Variants in GXYLT1 observed in about 807,000 individuals in gnomAD.
GXYLT1 encodes glycosyltransferase 8 domain containing 3.
In GXYLT1, 29 loss-of-function variants were observed where a neutral mutation model predicts 54.0. The ratio of observed to expected loss-of-function variants is 0.54; its 90% CI spans 0.40 to 0.73. The LOEUF (loss-of-function observed/expected upper bound fraction) is 0.73, where lower values mean the gene tolerates loss of function less well. Among genes scored for constraint, GXYLT1 ranks in the 30% least tolerant of loss-of-function variants. The pLI is 0.00. For synonymous variants in GXYLT1, 176 were observed against 204.1 expected (o/e 0.86, Z 1.17); for missense variants, 490 against 553.4 (o/e 0.89, Z 1.15).
At chr12:42,096,612 G>C (rs1381400468) in intron 7 of GXYLT1, among the ~76,000 whole-genome samples, 1 of 152,158 alleles carries the variant, frequency 6.6e-6, no homozygotes, top group Non-Finnish European at 1.5e-5. Context: ...TGTGGAAGGA[G>C]TGCTATTGTT....
intron 5 of GXYLT1, among the ~76,000 whole-genome samples, chr12:42,104,071 T>A (rs1164113530): frequency 6.6e-6 from 1 of 152,134 alleles, no homozygotes; most frequent in Non-Finnish European, 1.5e-5. Flanking sequence ...CAACTCTTTT[T>A]CTGTAGAGAC....
intron 1 of GXYLT1, among the ~76,000 whole-genome samples, chr12:42,135,907 T>C (rs1393508105): frequency 1.3e-5 from 2 of 152,204 alleles, no homozygotes; most frequent in Non-Finnish European, 2.9e-5. Flanking sequence ...AATCAAGTTA[T>C]AGGTAAATTT....
intron 4 of GXYLT1, among the ~76,000 whole-genome samples, chr12:42,106,468 T>C (rs1417322354): frequency 1.2e-4 from 19 of 152,164 alleles, no homozygotes; most frequent in Admixed American, 5.9e-4. Flanking sequence ...TCTGAACTTA[T>C]TCCCCTTGGC....
chr12:42,101,389 C>T (rs2065389072), intron 5 of GXYLT1, among the ~76,000 whole-genome samples: 2 of 152,058 alleles, frequency 1.3e-5, no homozygotes, highest in Non-Finnish European at 1.5e-5. Flanking sequence ...CATATCCATA[C>T]TAGGTACACA....
intron 3 of GXYLT1, among the ~76,000 whole-genome samples, chr12:42,115,343 T>A (rs183970209): frequency 6.6e-6 from 1 of 152,048 alleles, no homozygotes; most frequent in Non-Finnish European, 1.5e-5. Context: ...GTCAAATTGT[T>A]CCTGTTTGCA....
rs201702582 is a variant in GXYLT1 at position 42,142,337 on chromosome 12, A to ATTT, written c.221+2086_221+2088dup. On this transcript the variant is annotated intron_variant, in intron 1 of 7. Coordinates refer to ENST00000398675, the MANE Select transcript of GXYLT1 (RefSeq NM_173601.2). ...TATCTCATGGTGGCCAAAAAAGTTA[A>ATTT]TTTTTTTTTTTTTTTTTGAGACAGG... 2.2e-3 allele frequency among the ~76,000 whole-genome samples: 305 copies of ATTT among 140,232 alleles called. 2 individuals carry two copies. Among genetic ancestry groups the ATTT allele is most frequent in the African/African-American group, 7.7e-3 (294 of 37,952 alleles). The allele number at this position is 140,232 out of a possible 152,430, so 92.0% of individuals were successfully genotyped here.
At chr12:42,100,544 C>A (rs2065384093) in intron 5 of GXYLT1, among the ~76,000 whole-genome samples, 1 of 149,716 alleles carries the variant, frequency 6.7e-6, no homozygotes, top group Admixed American at 6.6e-5. Context: ...AAGAGAAGGC[C>A]AGAATTCATG....
Position 42,087,859 on chromosome 12 carries a change from AT to A in GXYLT1, c.1249del (p.Ile417PhefsTer9), listed in dbSNP as rs1206787176. 1.2e-6 allele frequency: 2 copies of A among 1,604,764 alleles called. No homozygotes were observed. Among genetic ancestry groups the A allele is most frequent in the Non-Finnish European group, 8.5e-7 (1 of 1,173,688 alleles). On this transcript the variant is annotated frameshift_variant, in exon 8 of 8. Coordinates refer to ENST00000398675, the MANE Select transcript of GXYLT1 (RefSeq NM_173601.2). LOFTEE classifies it high-confidence loss of function. ...TAGTTGTTTGATAAATATTTTGTAA[AT>A]TTTTCCACAGTATGTATGCACTGTT... ...QKTVHTYCGKIYKIFIKQLAK... is the reference protein window; with the variant it reads ...QKTVHTYCGKXYKIFIKQLAK...
At chr12:42,131,237 G>A (rs2065592432) in intron 1 of GXYLT1, among the ~76,000 whole-genome samples, 1 of 152,206 alleles carries the variant, frequency 6.6e-6, no homozygotes, top group African/African-American at 2.4e-5. Context: ...AAGTCAGGGT[G>A]AGTCACTAAA....
At chr12:42,110,121 A>T (rs2065444268) in intron 3 of GXYLT1, among the ~76,000 whole-genome samples, 1 of 152,254 alleles carries the variant, frequency 6.6e-6, no homozygotes, top group Non-Finnish European at 1.5e-5. Flanking sequence ...GAAACTAGTT[A>T]AAAAATATTT....
chr12:42,092,512 G>C (rs2065334429), intron 7 of GXYLT1, among the ~76,000 whole-genome samples: 1 of 151,942 alleles, frequency 6.6e-6, no homozygotes, highest in South Asian at 2.1e-4. Context: ...CCACCTAGAG[G>C]TATATGAAGT....
Position 42,087,475 on chromosome 12 carries a change from C to T in GXYLT1, c.*311G>A. 4.2e-6 allele frequency: 1 copy of T among 238,908 alleles called. No homozygotes were observed. The highest frequency in any genetic ancestry group is 5.9e-5 in the Admixed American group (1 of 17,042). 14.8% of individuals were successfully genotyped at this position (238,908 alleles called of 1,614,324 possible). A position where few individuals can be genotyped will look rare whatever the true frequency, so the allele number is the denominator to read the frequency against. Reference sequence around the variant, plus strand: ...GGTACATTTTCTCCATCTACACACCCCTACCACTCTTGAGAGTATGAGTCA... The same window carrying T: ...GGTACATTTTCTCCATCTACACACCTCTACCACTCTTGAGAGTATGAGTCA... On this transcript the variant is annotated 3_prime_UTR_variant, in exon 8 of 8. Transcript: ENST00000398675.
At chr12:42,099,433 G>A (rs2065377028) in intron 5 of GXYLT1, among the ~76,000 whole-genome samples, 1 of 151,892 alleles carries the variant, frequency 6.6e-6, no homozygotes, top group Admixed American at 6.6e-5. Flanking sequence ...GGTTTTCCAG[G>A]GATATAAATA....
rs773643203 is a variant in GXYLT1 at position 42,105,926 on chromosome 12, T to C, written c.756A>G (p.Arg252=). The C allele has an allele frequency of 1.2e-6, 2 of 1,614,142 alleles. No individual in the cohort carries two copies. Among genetic ancestry groups the C allele is most frequent in the Middle Eastern group, 1.7e-4 (1 of 6,058 alleles). Residue 252 remains arginine (R), a synonymous_variant, in exon 5 of 8, where the codon CGA becomes CGG. Transcript: ENST00000398675. ...AAMAPEHEEP[R]IGWYNRFARH... ...TAGCAAAGCGATTATACCATCCTAT[T>C]CGAGGTTCCTCATGTTCTGGTGCCA...
intron 5 of GXYLT1, among the ~76,000 whole-genome samples, chr12:42,105,509 T>A (rs1028035005): frequency 1.6e-4 from 25 of 152,192 alleles, no homozygotes; most frequent in African/African-American, 5.8e-4. Flanking sequence ...ATTCTATGAA[T>A]GTACAACTAC....
In GXYLT1 at chr12:42,106,069, A is replaced by T; in HGVS notation, c.613T>A (p.Leu205Ile). ...PCASQRLFLP[L>I]ILKEVDSLLY... ...AGTGAGTCAACTTCTTTCAGGATTA[A>T]CTACAAGGAGAGATATTTGAATGAT... is the stretch of plus-strand genomic sequence containing the variant. The change falls in exon 5 of 8, where the codon TTA becomes ATA. Residue 205 changes from leucine (L) to isoleucine (I), a missense_variant and splice_region_variant. This residue lies in a region of GXYLT1 where 342 missense variants were observed against 342.6 expected (regional missense o/e 1.00). Transcript: ENST00000398675. 1 of 1,591,144 alleles carries T rather than the reference A, an allele frequency of 6.3e-7. No homozygotes were observed. The highest frequency in any genetic ancestry group is 2.2e-5 in the East Asian group (1 of 44,546).
In GXYLT1 at chr12:42,144,747, T is replaced by A; in HGVS notation, c.-101A>T. 1.1e-6 allele frequency: 1 copy of A among 871,526 alleles called. No individual in the cohort carries two copies. The highest frequency in any genetic ancestry group is 1.5e-6 in the Non-Finnish European group (1 of 645,962). The allele number at this position is 871,526 out of a possible 1,614,324, so 54.0% of individuals were successfully genotyped here. On this transcript the variant is annotated 5_prime_UTR_variant, in exon 1 of 8. Transcript: ENST00000398675. ...CGCAGCCGCGGGCGCAACAAGTTCCTCACCCGCAGCCGCCGCCGCCGCCTT... is the reference window on the plus strand; with the variant it reads ...CGCAGCCGCGGGCGCAACAAGTTCCACACCCGCAGCCGCCGCCGCCGCCTT...
chr12:42,099,855 A>T (rs1403963509), intron 5 of GXYLT1, among the ~76,000 whole-genome samples: 1 of 152,106 alleles, frequency 6.6e-6, no homozygotes, highest in East Asian at 1.9e-4. Context: ...TGTCTCAAAT[A>T]AAAAAAAGTT....
At chr12:42,138,419 T>C (rs182753692) in intron 1 of GXYLT1, among the ~76,000 whole-genome samples, 1 of 152,352 alleles carries the variant, frequency 6.6e-6, no homozygotes, top group African/African-American at 2.4e-5. Context: ...ACTGCTTATA[T>C]ATAAATGACA....
Sources: gnomAD v4.1 joint callset for allele counts (sites outside exome capture counted in the v4.1 genomes callset) on GRCh38, gnomAD v4.1.1 for gene constraint, gnomAD v4.1.1 regional missense constraint, MANE v1.5 for transcripts, NCBI Gene and HGNC (gene_info 2026-07-23, HGNC 2026-07-21) for gene names.